Variants in DNAH6 observed in about 807,000 individuals in gnomAD.
The protein encoded by DNAH6 is dynein axonemal heavy chain 6.
A neutral mutation model predicts 491.4 loss-of-function variants in DNAH6; 340 were observed. The ratio of observed to expected loss-of-function variants is 0.69; its 90% CI spans 0.63 to 0.76. DNAH6 has a LOEUF of 0.76. DNAH6 is among the 30% of genes least tolerant of loss of function. DNAH6 has a pLI of 0.00. For missense variants in DNAH6, 4,443 were observed against 4,972.2 expected (o/e 0.89, Z 3.20); for synonymous variants, 1,603 against 1,686.1 (o/e 0.95, Z 1.21).
At position 84,653,569 on chromosome 2, in the gene DNAH6, G is replaced by A. The variant is rs1404474181; in HGVS notation, c.5329G>A (p.Gly1777Arg). 9 of 1,551,294 alleles carry A rather than the reference G, an allele frequency of 5.8e-6. No individual in the cohort carries two copies. Among genetic ancestry groups the A allele is most frequent in the Non-Finnish European group, 7.8e-6 (9 of 1,146,724 alleles). ...AACTTTAGGGAATTTACAAAAACTT[G>A]GGATAGAAAATTCCTTTTACCAAGC... ...AETLGNLQKL[G>R]IENSFYQAVK... Residue 1777 changes from glycine (G) to arginine (R), a missense_variant, in exon 34 of 77, where the codon GGG (glycine) becomes AGG (arginine). Gly to Arg is a moderately radical substitution (Grantham distance 125, BLOSUM62 -2). Transcript: ENST00000389394.
At chr2:84,518,217 A>G (rs1675776914) in intron 2 of DNAH6, among the ~76,000 whole-genome samples, 166 bp downstream of exon 2, 1 of 152,216 alleles carries the variant, frequency 6.6e-6, no homozygotes, top group Admixed American at 6.5e-5. Flanking sequence ...TATTTATTAA[A>G]CAAATATTAA....
chr2:84,681,457 T>C lies in DNAH6; in HGVS notation c.6845T>C (p.Val2282Ala). 1.3e-6 allele frequency: 2 copies of C among 1,551,462 alleles called. No individual in the cohort carries two copies. The highest frequency in any genetic ancestry group is 1.7e-6 in the Non-Finnish European group (2 of 1,146,880). The change falls in exon 42 of 77, where the codon GTT becomes GCT. Residue 2282 changes from valine to alanine, a missense_variant. Physicochemically the swap from Val to Ala is moderately conservative, Grantham distance 64 (BLOSUM62 0). Coordinates refer to ENST00000389394, the MANE Select transcript of DNAH6 (RefSeq NM_001370.2). ...ASVEIYNKMS[V>A]DLLPTPAKSH... ...GTTGAGATTTATAACAAAATGAGTGTTGACCTCCTGCCAACACCCGCCAAG... is the reference window on the plus strand; with the variant it reads ...GTTGAGATTTATAACAAAATGAGTGCTGACCTCCTGCCAACACCCGCCAAG...
intron 51 of DNAH6, 64 bp downstream of exon 51, chr2:84,704,366 A>G (rs925920677): frequency 2.5e-6 from 3 of 1,189,208 alleles, no homozygotes; most frequent in African/African-American, 1.5e-5. Flanking sequence ...GTTTTCCTCC[A>G]TGGTAATGTA....
chr2:84,591,324 T>C (rs1484974358), intron 16 of DNAH6, among the ~76,000 whole-genome samples: 1 of 151,988 alleles, frequency 6.6e-6, no homozygotes, highest in African/African-American at 2.4e-5. Flanking sequence ...ATTCAAAAGA[T>C]AAAGAAAACA....
the DNAH6 span, among the ~76,000 whole-genome samples, chr2:84,509,281 C>A: frequency 6.6e-6 from 1 of 151,010 alleles, no homozygotes; most frequent in East Asian, 1.9e-4. Context: ...AGGATATGCA[C>A]TTTAGGATAG....
At chr2:84,752,651 T>A (rs954486075) in intron 63 of DNAH6, among the ~76,000 whole-genome samples, 2 of 152,100 alleles carry the variant, frequency 1.3e-5, no homozygotes, top group Non-Finnish European at 2.9e-5. Context: ...CTTCTGTCTC[T>A]ACAGATTTGC....
At chr2:84,579,775 C>T in intron 14 of DNAH6, 96 bp downstream of exon 14, 2 of 1,058,362 alleles carry the variant, frequency 1.9e-6, no homozygotes, top group East Asian at 2.6e-5. Context: ...GGGCAAAAGA[C>T]AGCTGTCAAA....
intron 59 of DNAH6, among the ~76,000 whole-genome samples, chr2:84,721,822 T>A (rs1698193587): frequency 6.6e-6 from 1 of 152,170 alleles, no homozygotes; most frequent in African/African-American, 2.4e-5. Context: ...CCCTTGGTGA[T>A]TTTTCATGGT....
At chr2:84,793,733 G>T (rs947514875) in intron 68 of DNAH6, among the ~76,000 whole-genome samples, 5 of 152,294 alleles carry the variant, frequency 3.3e-5, no homozygotes, top group African/African-American at 7.2e-5. Context: ...TTAACCATCA[G>T]CCCTGGTACC....
the DNAH6 span, among the ~76,000 whole-genome samples, chr2:84,506,010 A>AATAAAC: frequency 6.6e-6 from 1 of 152,214 alleles, no homozygotes; most frequent in Non-Finnish European, 1.5e-5. Flanking sequence ...ATAGTGCCGC[A>AATAAAC]ATAAACATAC....
chr2:84,660,286 C>T (rs996470948), intron 37 of DNAH6, among the ~76,000 whole-genome samples: 5 of 152,086 alleles, frequency 3.3e-5, no homozygotes, highest in Admixed American at 6.6e-5. Context: ...TTTGAAGAGA[C>T]TTCCACTGGT....
chr2:84,678,184 T>G (rs562439662), intron 41 of DNAH6, among the ~76,000 whole-genome samples: 10 of 152,348 alleles, frequency 6.6e-5, no homozygotes, highest in African/African-American at 2.4e-4. Context: ...ATAAGCTGTT[T>G]AGGAGCTAAT....
At position 84,813,190 on chromosome 2, in the gene DNAH6, T is replaced by C. The variant is rs558058710; in HGVS notation, c.11998+60T>C. ...GGCCATGACTTCTCATACACAGGGT[T>C]TTGAGGTGCTGGGGAAATGACATGG... is the stretch of plus-strand genomic sequence containing the variant. On this transcript the variant is annotated intron_variant, in intron 74 of 76. Transcript: ENST00000389394. The C allele has an allele frequency of 5.1e-5, 63 of 1,240,988 alleles. No individual in the cohort carries two copies. In the Middle Eastern group the frequency reaches 5.5e-4, roughly 11 times the overall value. 76.9% of individuals were successfully genotyped at this position (1,240,988 alleles called of 1,614,324 possible).
chr2:84,702,115 A>G (rs559362450), intron 49 of DNAH6, among the ~76,000 whole-genome samples: 17 of 152,344 alleles, frequency 1.1e-4, no homozygotes, highest in African/African-American at 3.8e-4. Flanking sequence ...GTTTTAAAGA[A>G]CATGTGCCAG....
At chr2:84,502,271 C>T in the DNAH6 span, among the ~76,000 whole-genome samples, 1 of 152,118 alleles carries the variant, frequency 6.6e-6, no homozygotes, top group African/African-American at 2.4e-5. Context: ...TTAATTTCTT[C>T]ATTGACTCCT....
chr2:84,741,497 C>G (rs1672522318), intron 62 of DNAH6, among the ~76,000 whole-genome samples: 2 of 152,166 alleles, frequency 1.3e-5, no homozygotes, highest in Admixed American at 1.3e-4. Context: ...GAGCTCAGCC[C>G]AGCATTAAAC....
rs140577999 is a variant in DNAH6 at position 84,579,629 on chromosome 2, A to C, written c.2179A>C (p.Thr727Pro). Residue 727 changes from threonine to proline, a missense_variant, in exon 14 of 77, where the codon ACC (threonine) becomes CCC (proline). Coordinates refer to ENST00000389394, the MANE Select transcript of DNAH6 (RefSeq NM_001370.2). ...TAAACTTGAGTTTGTTCCAACTACT[A>C]CCACAGAATATGTTCATAGCTTATT... ...EYKLEFVPTT[T>P]TEYVHSLLFL... The C allele has an allele frequency of 6.2e-7, 1 of 1,611,314 alleles. No homozygotes were observed. The highest frequency in any genetic ancestry group is 8.5e-7 in the Non-Finnish European group (1 of 1,179,140).
intron 14 of DNAH6, among the ~76,000 whole-genome samples, chr2:84,582,256 T>C (rs1323360546): frequency 1.3e-5 from 2 of 152,098 alleles, no homozygotes; most frequent in Non-Finnish European, 2.9e-5. Context: ...AAAAGGCCTC[T>C]CTCCTTCTCT....
intron 65 of DNAH6, among the ~76,000 whole-genome samples, chr2:84,784,265 T>C (rs980566961): frequency 1.3e-5 from 2 of 152,202 alleles, no homozygotes; most frequent in Non-Finnish European, 2.9e-5. Context: ...CTGGCTCCCT[T>C]GTTTCCTTTG....
Sources: gnomAD v4.1 joint callset for allele counts (sites outside exome capture counted in the v4.1 genomes callset) on GRCh38, gnomAD v4.1.1 for gene constraint, MANE v1.5 for transcripts, NCBI Gene and HGNC (gene_info 2026-07-23, HGNC 2026-07-21) for gene names.